Variants in KCNQ1OT1 observed in about 807,000 individuals in gnomAD.
KCNQ1OT1 encodes the protein KCNQ1 antisense RNA 2 (non-protein coding).
At chr11:2,632,104 A>C in exon 1 of KCNQ1OT1, 1 of 393,756 alleles carries the variant, frequency 2.5e-6, no homozygotes, top group Non-Finnish European at 4.4e-6. Flanking sequence ...AATGGCGTGA[A>C]CTCGGGAGGC....
At chr11:2,619,190 G>T (rs77402029) in exon 1 of KCNQ1OT1, 12,226 of 398,276 alleles carry the variant, frequency 0.031, 635 homozygotes, top group African/African-American at 0.14. Flanking sequence ...CTGTTTGGTT[G>T]TACTAGTACT....
exon 1 of KCNQ1OT1, chr11:2,622,601 T>C: frequency 5.0e-6 from 2 of 398,596 alleles, no homozygotes; most frequent in Non-Finnish European, 8.8e-6. Context: ...TTGCCTTACA[T>C]TTTTTAAATA....
chr11:2,693,628 G>A (rs1306727753), exon 1 of KCNQ1OT1: 4 of 398,546 alleles, frequency 1.0e-5, no homozygotes, highest in African/African-American at 2.1e-5. Flanking sequence ...TCGCCCAGCC[G>A]TAGGAAAGGC....
Position 2,683,285 on chromosome 11 carries a change from G to A in KCNQ1OT1, n.16710C>T, listed in dbSNP as rs911630567. 3.3e-5 allele frequency: 13 copies of A among 398,586 alleles called. No homozygotes were observed. Among genetic ancestry groups the A allele is most frequent in the African/African-American group, 1.6e-4 (8 of 48,738 alleles). 24.7% of individuals were successfully genotyped at this position (398,586 alleles called of 1,614,324 possible). On this transcript the variant is annotated non_coding_transcript_exon_variant, in exon 1 of 1. Transcript: ENST00000597346. This position sits in a 1 kb window ranked among gnomAD's most constrained non-coding sequence, Gnocchi z 4.7. ...TGTCAGCCTGAGTATGGGCAATGGCGTTTTAGTTTGCAAAACCAGACACAT... is the reference window on the plus strand; with the variant it reads ...TGTCAGCCTGAGTATGGGCAATGGCATTTTAGTTTGCAAAACCAGACACAT...
chr11:2,632,804 C>G (rs1849382812), exon 1 of KCNQ1OT1: 1 of 398,286 alleles, frequency 2.5e-6, no homozygotes, highest in African/African-American at 2.1e-5. Flanking sequence ...ATACCACATT[C>G]TTTCTCTGCA....
chr11:2,612,496 ATTCT>A lies in KCNQ1OT1; in HGVS notation n.87495_87498del, dbSNP rs376376947. Reference sequence around the variant, plus strand: ...TATGGATCTGCGTTGAAGTTCATTGATTCTTTCTTCTGCCAGGTCAAATTTGCTT... The same window carrying A: ...TATGGATCTGCGTTGAAGTTCATTGATTCTTCTGCCAGGTCAAATTTGCTT... On this transcript the variant is annotated non_coding_transcript_exon_variant, in exon 1 of 1. Transcript: ENST00000597346. The surrounding 1 kb of genome is among the most constrained non-coding windows in gnomAD (Gnocchi z 5.5). The A allele has an allele frequency of 6.0e-4, 240 of 398,476 alleles. 1 individual carries two copies. The highest frequency in any genetic ancestry group is 4.2e-3 in the African/African-American group (203 of 48,680). 24.7% of individuals were successfully genotyped at this position (398,476 alleles called of 1,614,324 possible).
exon 1 of KCNQ1OT1, chr11:2,619,531 T>C (rs1054909112): frequency 6.0e-5 from 24 of 398,482 alleles, no homozygotes; most frequent in African/African-American, 8.2e-5. Context: ...AGACATGATA[T>C]ATAATCTTTT....
exon 1 of KCNQ1OT1, chr11:2,680,225 A>T: frequency 2.5e-6 from 1 of 397,720 alleles, no homozygotes; most frequent in East Asian, 3.6e-5. Flanking sequence ...AAAAAAAAAA[A>T]AAGTTGTCTA....
exon 1 of KCNQ1OT1, chr11:2,644,516 CTTT>C: frequency 2.5e-6 from 1 of 398,366 alleles, no homozygotes; most frequent in East Asian, 3.6e-5. Context: ...ATCAGATCTT[CTTT>C]AATATTATAT....
rs992719728 is a variant in KCNQ1OT1, at chr11:2,687,165, C to T, written n.12830G>A. The T allele has an allele frequency of 1.9e-4, 75 of 398,614 alleles. 1 individual carries two copies. The South Asian group carries it at 5.3e-3, about 28-fold the overall frequency. 24.7% of individuals were successfully genotyped at this position (398,614 alleles called of 1,614,324 possible). A position where few individuals can be genotyped will look rare whatever the true frequency, so the allele number is the denominator to read the frequency against. On this transcript the variant is annotated non_coding_transcript_exon_variant, in exon 1 of 1. Coordinates refer to ENST00000597346, the Ensembl canonical transcript of KCNQ1OT1. This position sits in a 1 kb window ranked among gnomAD's most constrained non-coding sequence, Gnocchi z 5.0. The stretch of plus-strand genomic sequence containing the variant: ...CTGAGCCAGCTTCCTCCACAAAGCA[C>T]AGAAGTCTGCCAAAAGCCCAGGCTG...
Position 2,674,886 on chromosome 11 carries a change from G to T in KCNQ1OT1, n.25109C>A, listed in dbSNP as rs1436232189. 1.8e-5 allele frequency: 7 copies of T among 397,774 alleles called. No individual in the cohort carries two copies. Among genetic ancestry groups the T allele is most frequent in the Non-Finnish European group, 3.1e-5 (7 of 225,994 alleles). 24.6% of individuals were successfully genotyped at this position (397,774 alleles called of 1,614,324 possible). ...GCTCACTGGGCACCTTGGCTGCAGGGTCTGAAAAGTCCTTTGTGTTAGCTC... is the reference window on the plus strand; with the variant it reads ...GCTCACTGGGCACCTTGGCTGCAGGTTCTGAAAAGTCCTTTGTGTTAGCTC... On this transcript the variant is annotated non_coding_transcript_exon_variant, in exon 1 of 1. Coordinates refer to ENST00000597346, the Ensembl canonical transcript of KCNQ1OT1. The surrounding 1 kb of genome is among the most constrained non-coding windows in gnomAD (Gnocchi z 5.9).
rs1420235773 is a variant in KCNQ1OT1 at position 2,682,339 on chromosome 11, G to A, written n.17656C>T. On this transcript the variant is annotated non_coding_transcript_exon_variant, in exon 1 of 1. Transcript: ENST00000597346. This position sits in a 1 kb window ranked among gnomAD's most constrained non-coding sequence, Gnocchi z 5.8. ...ATGTGTAACTGTGTGTTTATTTGTGGTAAAGGGTTTACTGGCTGGCTCCTT... is the reference window on the plus strand; with the variant it reads ...ATGTGTAACTGTGTGTTTATTTGTGATAAAGGGTTTACTGGCTGGCTCCTT... The A allele has an allele frequency of 7.5e-6, 3 of 398,498 alleles. No homozygotes were observed. Among genetic ancestry groups the A allele is most frequent in the Non-Finnish European group, 8.8e-6 (2 of 226,078 alleles). 24.7% of individuals were successfully genotyped at this position (398,498 alleles called of 1,614,324 possible).
exon 1 of KCNQ1OT1, chr11:2,614,525 TG>T (rs1849029643): frequency 2.5e-6 from 1 of 398,396 alleles, no homozygotes; most frequent in African/African-American, 2.1e-5. Flanking sequence ...TCTTATTTTT[TG>T]GTCTCTGATA....
Position 2,673,482 on chromosome 11 carries a change from A to T in KCNQ1OT1, n.26513T>A, listed in dbSNP as rs910058525. On this transcript the variant is annotated non_coding_transcript_exon_variant, in exon 1 of 1. Transcript: ENST00000597346. This position sits in a 1 kb window ranked among gnomAD's most constrained non-coding sequence, Gnocchi z 4.5. ...CCGGAACACCTGAAAAGCCATACAGACTCCTGCTCATCACAACCACTTGTT... is the reference window on the plus strand; with the variant it reads ...CCGGAACACCTGAAAAGCCATACAGTCTCCTGCTCATCACAACCACTTGTT... 1 of 398,286 alleles carries T rather than the reference A, an allele frequency of 2.5e-6. No homozygotes were observed. The highest frequency in any genetic ancestry group is 4.4e-5 in the Admixed American group (1 of 22,708). The allele number at this position is 398,286 out of a possible 1,614,324, so 24.7% of individuals were successfully genotyped here.
In KCNQ1OT1 at chr11:2,678,630, A is replaced by G. The variant is rs72850276; in HGVS notation, n.21365T>C. 0.041 allele frequency: 16,360 copies of G among 398,234 alleles called. 541 individuals are homozygous for G. The highest frequency in any genetic ancestry group is 0.11 in the African/African-American group (5,155 of 48,610). 24.7% of individuals were successfully genotyped at this position (398,234 alleles called of 1,614,324 possible). A position where few individuals can be genotyped will look rare whatever the true frequency, so the allele number is the denominator to read the frequency against. On this transcript the variant is annotated non_coding_transcript_exon_variant, in exon 1 of 1. Transcript: ENST00000597346. This position sits in a 1 kb window ranked among gnomAD's most constrained non-coding sequence, Gnocchi z 4.9. ...CCTCATCTCCATTACTTAAGAGCCA[A>G]TAATGGGAAGCTCATTTTCACAAAT...
chr11:2,685,110 G>A (rs921942080), exon 1 of KCNQ1OT1: 12 of 398,494 alleles, frequency 3.0e-5, no homozygotes, highest in African/African-American at 8.2e-5. Context: ...CTTTTGGCAC[G>A]GGGGGTCTGA....
chr11:2,641,246 T>TTTC (rs1166245445), exon 1 of KCNQ1OT1: 3 of 398,318 alleles, frequency 7.5e-6, no homozygotes, highest in African/African-American at 6.2e-5. Flanking sequence ...ATCAAACTGT[T>TTTC]TTCTATAGTA....
At position 2,659,904 on chromosome 11, in the gene KCNQ1OT1, C is replaced by A; in HGVS notation, n.40091G>T. On this transcript the variant is annotated non_coding_transcript_exon_variant, in exon 1 of 1. Coordinates refer to ENST00000597346, the Ensembl canonical transcript of KCNQ1OT1. The surrounding 1 kb of genome is among the most constrained non-coding windows in gnomAD (Gnocchi z 4.3). ...AAAATTGGATTGTTCACTTTATTGT[C>A]AAGTTGTAAGCATTCTTTATATATT... The A allele has an allele frequency of 2.5e-6, 1 of 398,160 alleles. No homozygotes were observed. The highest frequency in any genetic ancestry group is 1.3e-4 in the South Asian group (1 of 7,808). The allele number at this position is 398,160 out of a possible 1,614,324, so 24.7% of individuals were successfully genotyped here.
rs1394081067 is a variant in KCNQ1OT1 at position 2,683,312 on chromosome 11, G to A, written n.16683C>T. 2.5e-6 allele frequency: 1 copy of A among 398,456 alleles called. No homozygotes were observed. Among genetic ancestry groups the A allele is most frequent in the Non-Finnish European group, 4.4e-6 (1 of 226,068 alleles). The allele number at this position is 398,456 out of a possible 1,614,324, so 24.7% of individuals were successfully genotyped here. A position where few individuals can be genotyped will look rare whatever the true frequency, so the allele number is the denominator to read the frequency against. ...TTTAGTTTGCAAAACCAGACACATAGAGGCCAGGTTTCCCCCGCTCAACAC... is the reference window on the plus strand; with the variant it reads ...TTTAGTTTGCAAAACCAGACACATAAAGGCCAGGTTTCCCCCGCTCAACAC... On this transcript the variant is annotated non_coding_transcript_exon_variant, in exon 1 of 1. Transcript: ENST00000597346. This position sits in a 1 kb window ranked among gnomAD's most constrained non-coding sequence, Gnocchi z 4.7.
Sources: allele counts gnomAD v4.1 joint callset, GRCh38; gene constraint gnomAD v4.1.1; non-coding constraint Gnocchi (gnomAD v3.1); transcripts MANE v1.5; gene names NCBI Gene and HGNC (gene_info 2026-07-23, HGNC 2026-07-21).